Variants in POU2AF2 observed in about 807,000 individuals in gnomAD.
POU2AF2 encodes POU class 2 homeobox associating factor 2.
the POU2AF2 span, among the ~76,000 whole-genome samples, chr11:111,279,965 C>T: frequency 1.4e-5 from 2 of 146,356 alleles, no homozygotes; most frequent in Non-Finnish European, 3.0e-5. Context: ...CACTTGAATC[C>T]GGGAGGTGGA....
At chr11:111,269,217 C>T in the POU2AF2 span, among the ~76,000 whole-genome samples, 103,739 of 151,456 alleles carry the variant, frequency 0.68, 35,748 homozygotes, top group South Asian at 0.81. Flanking sequence ...AAAAAAAAAT[C>T]TTCCGAGGAG....
chr11:111,263,769 C>T, the POU2AF2 span, among the ~76,000 whole-genome samples: 2 of 152,026 alleles, frequency 1.3e-5, no homozygotes, highest in African/African-American at 4.8e-5. Context: ...CACAGCATAG[C>T]GAAGAGTTTG....
the POU2AF2 span, chr11:111,281,521 C>A: frequency 2.1e-6 from 3 of 1,444,124 alleles, no homozygotes; most frequent in Admixed American, 5.3e-5. Context: ...TCATAACGAC[C>A]TTACAACACT....
chr11:111,260,914 G>T, the POU2AF2 span, among the ~76,000 whole-genome samples: 3 of 152,120 alleles, frequency 2.0e-5, no homozygotes, highest in Non-Finnish European at 4.4e-5. Context: ...TATTTGTGAC[G>T]ACACTGATAA....
the POU2AF2 span, among the ~76,000 whole-genome samples, chr11:111,279,289 C>T: frequency 2.0e-5 from 3 of 152,194 alleles, no homozygotes; most frequent in African/African-American, 7.2e-5. Flanking sequence ...CATACTACAC[C>T]GAATATTCTG....
the POU2AF2 span, among the ~76,000 whole-genome samples, chr11:111,265,410 T>C: frequency 2.5e-3 from 379 of 152,228 alleles, 3 homozygotes; most frequent in African/African-American, 8.7e-3. Flanking sequence ...CCAGGAAGAA[T>C]AATAGTGTGG....
chr11:111,258,188 G>T, the POU2AF2 span, among the ~76,000 whole-genome samples: 3 of 152,054 alleles, frequency 2.0e-5, no homozygotes, highest in Non-Finnish European at 4.4e-5. Flanking sequence ...GAGAGAGAAG[G>T]AATTCAGAAT....
At chr11:111,273,389 T>C in the POU2AF2 span, among the ~76,000 whole-genome samples, 1 of 152,184 alleles carries the variant, frequency 6.6e-6, no homozygotes, top group East Asian at 1.9e-4. Flanking sequence ...TGTCAGATGT[T>C]CAATATGGTA....
the POU2AF2 span, among the ~76,000 whole-genome samples, chr11:111,256,809 G>T: frequency 6.6e-6 from 1 of 152,184 alleles, no homozygotes; most frequent in Admixed American, 6.5e-5. Flanking sequence ...CAAGGGCTTG[G>T]TTGGTGGGAA....
At chr11:111,276,257 A>C in the POU2AF2 span, among the ~76,000 whole-genome samples, 4 of 151,628 alleles carry the variant, frequency 2.6e-5, no homozygotes, top group Admixed American at 2.6e-4. Flanking sequence ...TATTGGAAAC[A>C]GTCAGAAATA....
the POU2AF2 span, among the ~76,000 whole-genome samples, chr11:111,247,204 A>AGAGAGAGAGC: frequency 6.6e-6 from 1 of 151,874 alleles, no homozygotes; most frequent in Non-Finnish European, 1.5e-5. Flanking sequence ...AGAGAGAGAG[A>AGAGAGAGAGC]GAGAGAGAGA....
the POU2AF2 span, among the ~76,000 whole-genome samples, chr11:111,270,939 A>G: frequency 6.6e-6 from 1 of 152,160 alleles, no homozygotes; most frequent in Non-Finnish European, 1.5e-5. Context: ...ATAACAACCC[A>G]TACACTCACC....
the POU2AF2 span, chr11:111,283,961 T>A: frequency 1.1e-6 from 1 of 883,096 alleles, no homozygotes; most frequent in African/African-American, 1.7e-5. Flanking sequence ...CATGTTAGCG[T>A]TGGAGTCAGG....
At chr11:111,256,783 C>G in the POU2AF2 span, among the ~76,000 whole-genome samples, 1 of 152,164 alleles carries the variant, frequency 6.6e-6, no homozygotes, top group Non-Finnish European at 1.5e-5. Context: ...TTTCATTTCC[C>G]CAAGCCATGG....
chr11:111,268,085 A>G, the POU2AF2 span, among the ~76,000 whole-genome samples: 40 of 152,250 alleles, frequency 2.6e-4, 1 homozygote, highest in Non-Finnish European at 5.6e-4. Context: ...ACTGGTACAC[A>G]GGCCTTAAAA....
At chr11:111,266,948 C>A in the POU2AF2 span, among the ~76,000 whole-genome samples, 2 of 152,132 alleles carry the variant, frequency 1.3e-5, no homozygotes, top group Admixed American at 1.3e-4. Flanking sequence ...TGCTTCAGGC[C>A]CTCCTGCTCA....
chr11:111,264,548 GA>G, the POU2AF2 span, among the ~76,000 whole-genome samples: 2 of 65,194 alleles, frequency 3.1e-5, no homozygotes, highest in African/African-American at 5.5e-5. Flanking sequence ...AAGAAAGAAA[GA>G]AAGAAAGAAA....
At chr11:111,253,432 A>G in the POU2AF2 span, among the ~76,000 whole-genome samples, 1 of 152,170 alleles carries the variant, frequency 6.6e-6, no homozygotes. Context: ...CCACATCACG[A>G]TGGTTCTGAA....
chr11:111,253,895 A>G, the POU2AF2 span, among the ~76,000 whole-genome samples: 1 of 151,800 alleles, frequency 6.6e-6, no homozygotes, highest in Middle Eastern at 3.4e-3. Context: ...CACACACCCT[A>G]CCTTGCTTTA....
Sources: allele counts gnomAD v4.1 joint callset (sites outside exome capture counted in the v4.1 genomes callset), GRCh38; gene constraint gnomAD v4.1.1; transcripts MANE v1.5; gene names NCBI Gene and HGNC (gene_info 2026-07-23, HGNC 2026-07-21).